Variants in TARS3 observed in about 807,000 individuals in gnomAD.
The protein encoded by TARS3 is threonyl-tRNA synthetase 3.
Under a neutral mutation model 103.5 loss-of-function variants are expected in TARS3, and 94 were observed. That is an observed-to-expected ratio of 0.91 (90% CI 0.77 to 1.08). The LOEUF is 1.08. TARS3 is among the 50% of genes least tolerant of loss of function. The probability of loss-of-function intolerance (pLI) is 0.00; values close to 1 mark genes in which losing one functional copy is unlikely to be tolerated. For missense variants in TARS3, 952 were observed against 995.2 expected, an observed-to-expected ratio of 0.96 and a Z score of 0.58; for synonymous variants, 416 against 355.4, an observed-to-expected ratio of 1.17 and a Z score of -1.92.
At chr15:101,706,565 G>T (rs1427633019) in intron 6 of TARS3, among the ~76,000 whole-genome samples, 2 of 152,124 alleles carry the variant, frequency 1.3e-5, no homozygotes, top group East Asian at 1.9e-4. Context: ...TGTTCTAGAA[G>T]ATCTAATTTT....
intron 10 of TARS3, among the ~76,000 whole-genome samples, chr15:101,686,661 G>C (rs1898489816): frequency 6.6e-6 from 1 of 152,044 alleles, no homozygotes; most frequent in Non-Finnish European, 1.5e-5. Context: ...AAAACAATTA[G>C]GTGATCTTTG....
In TARS3 at chr15:101,701,229, C is replaced by T. The variant is rs192012334; in HGVS notation, c.1222-45G>A. The T allele has an allele frequency of 4.9e-6, 6 of 1,233,618 alleles. No homozygotes were observed. In the Admixed American group the frequency reaches 8.7e-5, roughly 18 times the overall value. The allele number at this position is 1,233,618 out of a possible 1,614,324, so 76.4% of individuals were successfully genotyped here. A position where few individuals can be genotyped will look rare whatever the true frequency, so the allele number is the denominator to read the frequency against. On this transcript the variant is annotated intron_variant, in intron 9 of 18. Transcript: ENST00000335968. ...GCATTTCAAATGTCATCTGCTATTG[C>T]TTAATATTTACTGCACACACATATA...
At chr15:101,701,942 A>T (rs1899303748) in intron 9 of TARS3, among the ~76,000 whole-genome samples, 1 of 152,150 alleles carries the variant, frequency 6.6e-6, no homozygotes, top group Non-Finnish European at 1.5e-5. Flanking sequence ...CGCCTGGCTA[A>T]TTTTTTTGTA....
At chr15:101,722,722 G>C (rs182382002) in intron 2 of TARS3, among the ~76,000 whole-genome samples, 229 of 150,722 alleles carry the variant, frequency 1.5e-3, no homozygotes, top group African/African-American at 5.2e-3. Context: ...AGGAGGCTGA[G>C]GCAGGAGAAT....
intron 15 of TARS3, among the ~76,000 whole-genome samples, chr15:101,665,497 G>A (rs989989109): frequency 1.3e-5 from 2 of 152,182 alleles, no homozygotes; most frequent in African/African-American, 4.8e-5. Flanking sequence ...ATTGTACAGC[G>A]TTATCATCTC....
In TARS3 at chr15:101,656,923, CAAAAT is replaced by C; in HGVS notation, c.2254_2258del (p.Ile752GlyfsTer10). On this transcript the variant is annotated frameshift_variant and splice_region_variant, in exon 18 of 19. Transcript: ENST00000335968. LOFTEE classifies it high-confidence loss of function. Reference sequence around the variant, plus strand: ...AAAATATATACAAACTTAAATTACCCAAAATAAAATTATACTGAGCCAGCTGTGCA... The same window carrying C: ...AAAATATATACAAACTTAAATTACCCAAAATTATACTGAGCCAGCTGTGCA... The C allele has an allele frequency of 6.3e-7, 1 of 1,591,778 alleles. No individual in the cohort carries two copies.
At chr15:101,668,714 C>A (rs936594522) in intron 15 of TARS3, among the ~76,000 whole-genome samples, 1 of 152,130 alleles carries the variant, frequency 6.6e-6, no homozygotes, top group Non-Finnish European at 1.5e-5. Flanking sequence ...TACCGTCATG[C>A]ACTGCGTAAC....
intron 10 of TARS3, among the ~76,000 whole-genome samples, chr15:101,689,195 C>G (rs999317966): frequency 2.0e-5 from 3 of 152,088 alleles, no homozygotes; most frequent in African/African-American, 4.8e-5. Context: ...TGGGAGAAGT[C>G]GTATTGCTTA....
intron 2 of TARS3, among the ~76,000 whole-genome samples, chr15:101,721,629 G>T (rs1358565516): frequency 6.6e-6 from 1 of 152,140 alleles, no homozygotes; most frequent in Non-Finnish European, 1.5e-5. Context: ...CGAGTAGCTG[G>T]GATTACAGGC....
chr15:101,671,266 T>C (rs1287322426), intron 15 of TARS3, among the ~76,000 whole-genome samples: 1 of 152,206 alleles, frequency 6.6e-6, no homozygotes, highest in Non-Finnish European at 1.5e-5. Flanking sequence ...TGGAACTTTG[T>C]TCATATCTCT....
At chr15:101,678,816 GT>G in intron 12 of TARS3, among the ~76,000 whole-genome samples, 2 of 151,880 alleles carry the variant, frequency 1.3e-5, no homozygotes, top group Non-Finnish European at 2.9e-5. Context: ...TTTCCTTTCT[GT>G]TTAGAAAACT....
rs185604624 is a variant in TARS3, at chr15:101,668,162, G to A, written c.1967+3324C>T. On this transcript the variant is annotated intron_variant, in intron 15 of 18. Transcript: ENST00000335968. Reference sequence around the variant, plus strand: ...ACTTGGGTAACTGGTGCAAGAGGCCGAGCTTTTGGCCTATCTGGGCTTTCA... The same window carrying A: ...ACTTGGGTAACTGGTGCAAGAGGCCAAGCTTTTGGCCTATCTGGGCTTTCA... Among the ~76,000 whole-genome samples, 121 of 152,276 alleles carry A rather than the reference G, an allele frequency of 7.9e-4. No individual in the cohort carries two copies. In the East Asian group the frequency reaches 0.017, roughly 22 times the overall value.
chr15:101,712,152 C>T (rs1314293316), intron 4 of TARS3, 151 bp from the exon 5 acceptor site: 1 of 818,198 alleles, frequency 1.2e-6, no homozygotes, highest in African/African-American at 1.7e-5. Context: ...TCTTCGATGC[C>T]CACTTAGAAG....
chr15:101,711,951 G>A lies in TARS3; in HGVS notation c.741C>T (p.Tyr247=). ...GACCGTAGCACAGGTGGCCTCCATA[G>A]TAAAGCTCCATGGCCTCCCCAAGAA... is the stretch of plus-strand genomic sequence containing the variant. ...AHILGEAMEL[Y]YGGHLCYGPP... The change falls in exon 5 of 19, where the codon TAC becomes TAT. Residue 247 remains tyrosine (Y), a synonymous_variant. Coordinates refer to ENST00000335968, the MANE Select transcript of TARS3 (RefSeq NM_152334.3). 1.2e-6 allele frequency: 2 copies of A among 1,613,948 alleles called. No individual in the cohort carries two copies. Among genetic ancestry groups the A allele is most frequent in the Non-Finnish European group, 1.7e-6 (2 of 1,179,838 alleles).
chr15:101,697,875 A>G (rs1321062571), intron 10 of TARS3, among the ~76,000 whole-genome samples: 1 of 152,216 alleles, frequency 6.6e-6, no homozygotes, highest in Non-Finnish European at 1.5e-5. Flanking sequence ...TCGGTGTCAG[A>G]AAGATGTGGA....
rs779965079 is a variant in TARS3 at position 101,724,319 on chromosome 15, G to A, written c.69C>T (p.Arg23=). Residue 23 remains arginine, a synonymous_variant, in exon 1 of 19, where the codon CGC becomes CGT. Transcript: ENST00000335968. ...GGCGCTCGACCTCCGACCACAGCCA[G>A]CGGATGTCCTCCTCCTGCCGCTCCA... ...SRLERQEEDI[R]WLWSEVERLR... The A allele has an allele frequency of 1.2e-5, 19 of 1,567,828 alleles. No homozygotes were observed. The highest frequency in any genetic ancestry group is 7.2e-5 in the Admixed American group (4 of 55,900).
intron 10 of TARS3, among the ~76,000 whole-genome samples, chr15:101,700,243 ACTAT>A (rs1899193541): frequency 6.6e-6 from 1 of 151,770 alleles, no homozygotes; most frequent in Non-Finnish European, 1.5e-5. Flanking sequence ...ACCTGTGAAC[ACTAT>A]CTACACAGTC....
intron 6 of TARS3, among the ~76,000 whole-genome samples, chr15:101,708,049 G>C (rs1448412021): frequency 1.3e-5 from 2 of 151,998 alleles, no homozygotes; most frequent in Non-Finnish European, 2.9e-5. Flanking sequence ...TTCAAGACCA[G>C]CCTGGCCAAC....
chr15:101,709,301 G>T (rs867324123), intron 5 of TARS3, among the ~76,000 whole-genome samples: 1 of 152,240 alleles, frequency 6.6e-6, no homozygotes, highest in African/African-American at 2.4e-5. Context: ...AAGGCTGGGA[G>T]ACATCTGTAT....
Sources: allele counts gnomAD v4.1 joint callset (sites outside exome capture counted in the v4.1 genomes callset), GRCh38; gene constraint gnomAD v4.1.1; transcripts MANE v1.5; gene names NCBI Gene and HGNC (gene_info 2026-07-23, HGNC 2026-07-21).